GRIK1: variants seen among roughly 807,000 people sequenced by gnomAD.
GRIK1 encodes the protein glutamate receptor ionotropic, kainate 1.
A neutral mutation model predicts 105.7 loss-of-function variants in GRIK1; 69 were observed. That is an observed-to-expected ratio of 0.65 (90% CI 0.54 to 0.80). The LOEUF is 0.80. GRIK1 is among the 30% of genes least tolerant of loss of function. The pLI is 0.00. For synonymous variants in GRIK1, 438 were observed against 431.3 expected (o/e 1.02, Z -0.19); for missense variants, 1,109 against 1,167.3 (o/e 0.95, Z 0.73).
chr21:29,918,333 C>T (rs1287666893), intron 1 of GRIK1, among the ~76,000 whole-genome samples: 1 of 152,012 alleles, frequency 6.6e-6, no homozygotes, highest in Non-Finnish European at 1.5e-5. Flanking sequence ...CATATACAAG[C>T]TCAACTAATC....
At chr21:29,787,291 G>A (rs28532226) in intron 1 of GRIK1, among the ~76,000 whole-genome samples, 10,233 of 152,158 alleles carry the variant, frequency 0.067, 428 homozygotes, top group Non-Finnish European at 0.091. Flanking sequence ...ATCATTTAAA[G>A]TCTCTCCTTT....
intron 1 of GRIK1, among the ~76,000 whole-genome samples, chr21:29,931,169 A>G (rs1234221348): frequency 6.6e-6 from 1 of 152,206 alleles, no homozygotes; most frequent in Non-Finnish European, 1.5e-5. Context: ...GTCTTTATTC[A>G]GAGTCCTTGG....
At chr21:29,812,423 C>T (rs1306886284) in intron 1 of GRIK1, among the ~76,000 whole-genome samples, 3 of 152,092 alleles carry the variant, frequency 2.0e-5, no homozygotes, top group African/African-American at 7.2e-5. Context: ...GAAGAATATC[C>T]TTGAATCCTT....
chr21:29,787,354 G>A (rs183315396), intron 1 of GRIK1, among the ~76,000 whole-genome samples: 3 of 152,270 alleles, frequency 2.0e-5, no homozygotes, highest in African/African-American at 7.2e-5. Context: ...TGATTTGGGG[G>A]CTCAAGGGAG....
At chr21:29,766,321 C>T (rs2065667138) in intron 1 of GRIK1, among the ~76,000 whole-genome samples, 2 of 152,160 alleles carry the variant, frequency 1.3e-5, no homozygotes, top group Admixed American at 1.3e-4. Flanking sequence ...TATCTGAAGA[C>T]ATTTTTGATT....
intron 13 of GRIK1, among the ~76,000 whole-genome samples, chr21:29,577,784 T>TA (rs911363405): frequency 2.0e-5 from 3 of 152,156 alleles, no homozygotes; most frequent in South Asian, 2.1e-4. Flanking sequence ...TTTATTTGGC[T>TA]AAAAAAACAC....
intron 1 of GRIK1, 65 bp downstream of exon 1, chr21:29,939,318 G>A (rs892832219): frequency 5.1e-6 from 5 of 984,806 alleles, no homozygotes; most frequent in Non-Finnish European, 7.8e-6. Context: ...CCCGGGACCC[G>A]CTACACCCGC....
chr21:29,562,132 T>G (rs1159355766), intron 14 of GRIK1, among the ~76,000 whole-genome samples: 1 of 152,232 alleles, frequency 6.6e-6, no homozygotes, highest in Non-Finnish European at 1.5e-5. Context: ...ACTCCAGGAC[T>G]CTGTTCATTT....
intron 4 of GRIK1, among the ~76,000 whole-genome samples, chr21:29,663,274 GTTAT>G (rs1377958823): frequency 6.6e-6 from 1 of 152,128 alleles, no homozygotes; most frequent in Non-Finnish European, 1.5e-5. Context: ...AAAGCATATG[GTTAT>G]TTAAGACCAA....
rs1033254253 is a variant in GRIK1 at position 29,886,600 on chromosome 21, T to C, written c.118+52783A>G. ...ACTTCGTACTTAAAAAAAAAGTATCTTGTTGTGTGTACAATAACTTTAAGG... is the reference window on the plus strand; with the variant it reads ...ACTTCGTACTTAAAAAAAAAGTATCCTGTTGTGTGTACAATAACTTTAAGG... On this transcript the variant is annotated intron_variant, in intron 1 of 17. Coordinates refer to ENST00000327783, the MANE Select transcript of GRIK1 (RefSeq NM_001330994.2). 3.3e-5 allele frequency among the ~76,000 whole-genome samples: 5 copies of C among 152,176 alleles called. No individual in the cohort carries two copies. In the East Asian group the frequency reaches 9.6e-4, roughly 29 times the overall value.
At chr21:29,567,569 TTATAAA>T (rs1178051275) in intron 14 of GRIK1, among the ~76,000 whole-genome samples, 2 of 152,182 alleles carry the variant, frequency 1.3e-5, no homozygotes, top group Non-Finnish European at 1.5e-5. Context: ...AAAAGTGATC[TTATAAA>T]TGTAAATATA....
chr21:29,537,436 G>A (rs905399972), intron 17 of GRIK1, 51 bp from the exon 18 acceptor site: 1 of 1,430,660 alleles, frequency 7.0e-7, no homozygotes, highest in African/African-American at 1.4e-5. Flanking sequence ...TATCGCATGT[G>A]CCGTTGACCT....
intron 1 of GRIK1, among the ~76,000 whole-genome samples, chr21:29,783,406 C>T (rs974799358): frequency 4.0e-5 from 6 of 151,898 alleles, no homozygotes; most frequent in Non-Finnish European, 7.4e-5. Flanking sequence ...TTTTTGTTTG[C>T]TTTAAAATTT....
At chr21:29,600,752 A>T (rs918514085) in intron 7 of GRIK1, among the ~76,000 whole-genome samples, 2 of 152,162 alleles carry the variant, frequency 1.3e-5, no homozygotes, top group Non-Finnish European at 2.9e-5. Context: ...AATTTTTAAC[A>T]TTTATTGTTT....
At chr21:29,887,253 G>A (rs571390640) in intron 1 of GRIK1, among the ~76,000 whole-genome samples, 2 of 152,192 alleles carry the variant, frequency 1.3e-5, no homozygotes, top group Admixed American at 6.5e-5. Flanking sequence ...AAAATTTTAG[G>A]CATTTTAAAA....
intron 7 of GRIK1, chr21:29,601,198 A>G (rs1378881386): frequency 5.9e-6 from 3 of 506,252 alleles, no homozygotes; most frequent in Admixed American, 5.8e-5. Flanking sequence ...AAGGCAGAGG[A>G]AGAGAGCATT....
In GRIK1 at chr21:29,710,173, A is replaced by G. The variant is rs2064010014; in HGVS notation, c.119-16110T>C. ...TTGCCCTTCTAATAAGTTATTTCAT[A>G]TGAATACTATTCTTTATATTAACTC... is the stretch of plus-strand genomic sequence containing the variant. On this transcript the variant is annotated intron_variant, in intron 1 of 17. Coordinates refer to ENST00000327783, the MANE Select transcript of GRIK1 (RefSeq NM_001330994.2). Among the ~76,000 whole-genome samples, 3 of 152,054 alleles carry G rather than the reference A, an allele frequency of 2.0e-5. No homozygotes were observed. In the South Asian group the frequency reaches 6.2e-4, roughly 31 times the overall value.
intron 1 of GRIK1, among the ~76,000 whole-genome samples, chr21:29,858,907 A>G (rs891963491): frequency 6.6e-6 from 1 of 150,856 alleles, no homozygotes; most frequent in Non-Finnish European, 1.5e-5. Flanking sequence ...CAGCTTTGGC[A>G]GTTCTGAAGT....
intron 14 of GRIK1, among the ~76,000 whole-genome samples, chr21:29,575,947 T>A (rs1161163548): frequency 1.3e-5 from 2 of 152,194 alleles, no homozygotes; most frequent in African/African-American, 4.8e-5. Flanking sequence ...AATCTGAATA[T>A]GAATCTTTGA....
Sources: gnomAD v4.1 joint callset for allele counts (sites outside exome capture counted in the v4.1 genomes callset) on GRCh38, gnomAD v4.1.1 for gene constraint, MANE v1.5 for transcripts, NCBI Gene and HGNC (gene_info 2026-07-23, HGNC 2026-07-21) for gene names.